CDH13: variants seen among roughly 807,000 people sequenced by gnomAD.
CDH13 encodes the protein cadherin 13, also known as cadherin-13.
A neutral mutation model predicts 63.8 loss-of-function variants in CDH13; 24 were observed. The observed-to-expected ratio is 0.38, with a 90% confidence interval of 0.27 to 0.53. The LOEUF (loss-of-function observed/expected upper bound fraction) is 0.53, where lower values mean the gene tolerates loss of function less well. Among genes scored for constraint, CDH13 ranks in the 20% least tolerant of loss-of-function variants. The probability of loss-of-function intolerance (pLI) is 0.85; values close to 1 mark genes in which losing one functional copy is unlikely to be tolerated. For missense variants in CDH13, 1,049 were observed against 903.1 expected (o/e 1.16, Z -2.07); for synonymous variants, 503 against 355.3 (o/e 1.42, Z -4.67).
At chr16:83,556,472 A>G (rs559316382) in intron 7 of CDH13, among the ~76,000 whole-genome samples, 28 of 152,164 alleles carry the variant, frequency 1.8e-4, no homozygotes, top group Non-Finnish European at 3.5e-4. Flanking sequence ...GCGGTGGTCA[A>G]TCAGCCAAGT....
chr16:82,671,859 T>A (rs1315106254), intron 1 of CDH13, among the ~76,000 whole-genome samples: 1 of 152,166 alleles, frequency 6.6e-6, no homozygotes, highest in Non-Finnish European at 1.5e-5. Flanking sequence ...TGTCCAAGAA[T>A]AAAGAAAAGA....
chr16:83,309,094 A>T (rs993661879), intron 5 of CDH13, among the ~76,000 whole-genome samples: 7 of 152,008 alleles, frequency 4.6e-5, no homozygotes, highest in Non-Finnish European at 1.5e-5. Flanking sequence ...TCCATATCGT[A>T]ACTCTGTTTT....
At chr16:82,877,964 T>C (rs12446359) in intron 2 of CDH13, among the ~76,000 whole-genome samples, 40 of 55,066 alleles carry the variant, frequency 7.3e-4, no homozygotes, top group East Asian at 4.2e-3. Flanking sequence ...CACACACATA[T>C]ACACACACAC....
chr16:82,721,526 C>T (rs143735362), intron 1 of CDH13, among the ~76,000 whole-genome samples: 1 of 152,178 alleles, frequency 6.6e-6, no homozygotes, highest in Non-Finnish European at 1.5e-5. Flanking sequence ...TGGAACACTG[C>T]TCACGTAGGC....
At chr16:82,783,391 C>T (rs2035857252) in intron 1 of CDH13, among the ~76,000 whole-genome samples, 1 of 152,212 alleles carries the variant, frequency 6.6e-6, no homozygotes, top group Admixed American at 6.5e-5. Flanking sequence ...ATTAACTCAG[C>T]TAGATTAACC....
At chr16:82,763,781 C>T (rs1044621104) in intron 1 of CDH13, among the ~76,000 whole-genome samples, 12 of 152,206 alleles carry the variant, frequency 7.9e-5, no homozygotes, top group Non-Finnish European at 1.6e-4. Context: ...TGCCCAGGCT[C>T]AGGTGATCCT....
At chr16:83,335,865 T>G (rs2090583141) in intron 5 of CDH13, among the ~76,000 whole-genome samples, 1 of 152,094 alleles carries the variant, frequency 6.6e-6, no homozygotes, top group African/African-American at 2.4e-5. Context: ...GGACAGGAAT[T>G]GCTCACTTGG....
At chr16:82,945,101 A>G (rs190341151) in intron 2 of CDH13, among the ~76,000 whole-genome samples, 194 of 152,342 alleles carry the variant, frequency 1.3e-3, no homozygotes, top group African/African-American at 4.3e-3. Context: ...AGGAGAAAAC[A>G]GTGTAGAGAA....
At chr16:82,673,640 G>A (rs1371959856) in intron 1 of CDH13, among the ~76,000 whole-genome samples, 2 of 152,202 alleles carry the variant, frequency 1.3e-5, no homozygotes, top group African/African-American at 2.4e-5. Flanking sequence ...TTCTGAGATG[G>A]CGAGAGCCTC....
intron 5 of CDH13, among the ~76,000 whole-genome samples, chr16:83,328,911 C>T (rs986412424): frequency 6.6e-6 from 1 of 152,148 alleles, no homozygotes; most frequent in Non-Finnish European, 1.5e-5. Context: ...GAAGGTGGTT[C>T]TGATTATTTG....
chr16:82,976,232 G>T (rs1159766533), intron 2 of CDH13, among the ~76,000 whole-genome samples: 3 of 152,192 alleles, frequency 2.0e-5, no homozygotes, highest in Non-Finnish European at 4.4e-5. Context: ...CTTTTGAAGG[G>T]CTGGGGCTCT....
chr16:83,358,777 C>A (rs1033190516), intron 6 of CDH13, among the ~76,000 whole-genome samples: 1 of 152,072 alleles, frequency 6.6e-6, no homozygotes, highest in East Asian at 1.9e-4. Context: ...GTCTTTGTCT[C>A]CTCTGTTATC....
chr16:82,956,278 G>C (rs1042423822), intron 2 of CDH13, among the ~76,000 whole-genome samples: 1 of 151,836 alleles, frequency 6.6e-6, no homozygotes, highest in Non-Finnish European at 1.5e-5. Flanking sequence ...ATTTGCTTCT[G>C]TCTATCCTCA....
chr16:82,984,045 A>G (rs1309136256), intron 2 of CDH13, among the ~76,000 whole-genome samples: 1 of 152,224 alleles, frequency 6.6e-6, no homozygotes, highest in Non-Finnish European at 1.5e-5. Flanking sequence ...CACCTCAGAC[A>G]GTTGTAGAAA....
At chr16:82,880,679 A>G (rs1391685290) in intron 2 of CDH13, among the ~76,000 whole-genome samples, 2 of 152,190 alleles carry the variant, frequency 1.3e-5, no homozygotes, top group Non-Finnish European at 2.9e-5. Context: ...AGTGAAAAAC[A>G]TCTTATAATT....
Position 83,796,905 on chromosome 16 carries a change from G to A in CDH13, c.*1875G>A, listed in dbSNP as rs1347307116. 6.6e-6 allele frequency: 1 copy of A among 152,222 alleles called. No homozygotes were observed. The highest frequency in any genetic ancestry group is 2.4e-5 in the African/African-American group (1 of 41,444). The allele number at this position is 152,222 out of a possible 1,614,324, so 9.4% of individuals were successfully genotyped here. A position where few individuals can be genotyped will look rare whatever the true frequency, so the allele number is the denominator to read the frequency against. On this transcript the variant is annotated 3_prime_UTR_variant, in exon 14 of 14. Coordinates refer to ENST00000567109, the MANE Select transcript of CDH13 (RefSeq NM_001257.5). ...GCATAGTCATGGCCATCTGTCAACAGTCCCAAGACCTGGGGATTTTTCTCT... is the reference window on the plus strand; with the variant it reads ...GCATAGTCATGGCCATCTGTCAACAATCCCAAGACCTGGGGATTTTTCTCT...
At chr16:83,501,346 C>A (rs751383267) in intron 7 of CDH13, among the ~76,000 whole-genome samples, 8 of 152,158 alleles carry the variant, frequency 5.3e-5, no homozygotes, top group Non-Finnish European at 8.8e-5. Flanking sequence ...TCTCCCGTGT[C>A]TTCTAAATTG....
intron 5 of CDH13, among the ~76,000 whole-genome samples, chr16:83,296,852 G>T (rs537201877): frequency 1.3e-5 from 2 of 152,330 alleles, no homozygotes; most frequent in African/African-American, 4.8e-5. Flanking sequence ...TTCCAAGGGA[G>T]AAAGGGTGCT....
intron 3 of CDH13, among the ~76,000 whole-genome samples, chr16:83,077,186 CTTT>C (rs34536219): frequency 1.2e-4 from 7 of 59,162 alleles, no homozygotes; most frequent in African/African-American, 4.1e-4. Context: ...TTTTTCTTTT[CTTT>C]TTTTTTTTTT....
Sources: allele counts gnomAD v4.1 joint callset (sites outside exome capture counted in the v4.1 genomes callset), GRCh38; gene constraint gnomAD v4.1.1; transcripts MANE v1.5; gene names NCBI Gene and HGNC (gene_info 2026-07-23, HGNC 2026-07-21).